EBF2: variants seen among roughly 807,000 people sequenced by gnomAD.
EBF2 encodes EBF transcription factor 2.
In EBF2, 21 loss-of-function variants were observed where a neutral mutation model predicts 72.8. That is an observed-to-expected ratio of 0.29 (90% CI 0.20 to 0.42). The LOEUF is 0.42. Among genes scored for constraint, EBF2 ranks in the 10% least tolerant of loss-of-function variants. The pLI is 1.00. For synonymous variants in EBF2, 299 were observed against 274.2 expected (o/e 1.09, Z -0.89); for missense variants, 637 against 731.2 (o/e 0.87, Z 1.49).
intron 1 of EBF2, 28 bp from the exon 2 acceptor site, chr8:26,042,279 C>T (rs1306940815): frequency 6.3e-7 from 1 of 1,598,630 alleles, no homozygotes; most frequent in Admixed American, 1.8e-5. Flanking sequence ...CGGGGGAACA[C>T]AAGACACGGG....
In EBF2 at chr8:26,023,021, T is replaced by C. The variant is rs139066529; in HGVS notation, c.551+10064A>G. Reference sequence around the variant, plus strand: ...AATCCCTAGTGGGTAGAATCCTAAATCTGCGAATCATCTGTGGATAACTTC... The same window carrying C: ...AATCCCTAGTGGGTAGAATCCTAAACCTGCGAATCATCTGTGGATAACTTC... On this transcript the variant is annotated intron_variant, in intron 6 of 15. Transcript: ENST00000520164. Among the ~76,000 whole-genome samples, 430 of 152,314 alleles carry C rather than the reference T, an allele frequency of 2.8e-3. 2 individuals carry two copies. Among genetic ancestry groups the C allele is most frequent in the African/African-American group, 9.2e-3 (382 of 41,562 alleles).
At chr8:25,959,350 G>A (rs766690519) in intron 6 of EBF2, among the ~76,000 whole-genome samples, 2 of 151,808 alleles carry the variant, frequency 1.3e-5, no homozygotes, top group African/African-American at 2.4e-5. Flanking sequence ...GATTACAGGC[G>A]CCCACCACCA....
intron 10 of EBF2, among the ~76,000 whole-genome samples, chr8:25,864,432 C>T (rs1234108458): frequency 6.6e-6 from 1 of 151,674 alleles, no homozygotes; most frequent in Non-Finnish European, 1.5e-5. Context: ...ATATCACATC[C>T]CAATTTGACC....
rs1801781996 is a variant in EBF2, at chr8:25,843,988, A to G, written c.*621T>C. 6.6e-6 allele frequency: 1 copy of G among 152,308 alleles called. No homozygotes were observed. The highest frequency in any genetic ancestry group is 1.5e-5 in the Non-Finnish European group (1 of 68,042). The allele number at this position is 152,308 out of a possible 1,614,324, so 9.4% of individuals were successfully genotyped here. ...AAAAAAGGTCTTAATTTCTACCTCT[A>G]CTTACAATAAGTTACACATTTATTT... On this transcript the variant is annotated 3_prime_UTR_variant, in exon 16 of 16. Transcript: ENST00000520164.
intron 15 of EBF2, among the ~76,000 whole-genome samples, chr8:25,848,395 G>T (rs1330728673): frequency 6.6e-6 from 1 of 152,224 alleles, no homozygotes. Flanking sequence ...ACCCTGGAGA[G>T]GGTCTTCTGT....
chr8:25,865,090 C>T (rs1001719463), intron 10 of EBF2, among the ~76,000 whole-genome samples: 4 of 151,998 alleles, frequency 2.6e-5, no homozygotes, highest in Non-Finnish European at 4.4e-5. Context: ...TGTGAGCCAC[C>T]GCACCCGGCC....
rs545864455 is a variant in EBF2, at chr8:26,019,522, G to A, written c.551+13563C>T. ...CAAATCCCACAGTCAGGGTAGGCCA[G>A]CAGCCAGAATCCAACAGATCATTGG... On this transcript the variant is annotated intron_variant, in intron 6 of 15. Transcript: ENST00000520164. Among the ~76,000 whole-genome samples, 136 of 152,290 alleles carry A rather than the reference G, an allele frequency of 8.9e-4. 1 individual carries two copies. Among genetic ancestry groups the A allele is most frequent in the African/African-American group, 3.2e-3 (134 of 41,566 alleles).
In EBF2 at chr8:25,881,159, A is replaced by G. The variant is rs970822870; in HGVS notation, c.1009+5596T>C. On this transcript the variant is annotated intron_variant, in intron 10 of 15. Transcript: ENST00000520164. Reference sequence around the variant, plus strand: ...GCTTCCAAGCCATCCTCTGCATTGTAGCCAGAATGATCTTTTAAAAGGCAA... The same window carrying G: ...GCTTCCAAGCCATCCTCTGCATTGTGGCCAGAATGATCTTTTAAAAGGCAA... Among the ~76,000 whole-genome samples, 8 of 152,350 alleles carry G rather than the reference A, an allele frequency of 5.3e-5. No individual in the cohort carries two copies. In the East Asian group the frequency reaches 1.5e-3, roughly 29 times the overall value.
intron 13 of EBF2, among the ~76,000 whole-genome samples, chr8:25,860,068 C>A (rs1009224667): frequency 6.6e-6 from 1 of 152,008 alleles, no homozygotes; most frequent in Admixed American, 6.6e-5. Flanking sequence ...ATGAGGAATT[C>A]TCTTCCAACA....
chr8:25,986,533 A>G (rs184930107), intron 6 of EBF2, among the ~76,000 whole-genome samples: 21 of 152,280 alleles, frequency 1.4e-4, no homozygotes, highest in Admixed American at 1.2e-3. Flanking sequence ...TCGATGCTTG[A>G]CTGTGTGAAA....
At chr8:25,852,194 A>C (rs12541705) in intron 14 of EBF2, among the ~76,000 whole-genome samples, 44,602 of 152,152 alleles carry the variant, frequency 0.29, 6,699 homozygotes, top group South Asian at 0.41. Flanking sequence ...ATGAATAAAA[A>C]CACTGTTGGG....
Position 25,869,183 on chromosome 8 carries a change from T to C in EBF2, c.1010-6386A>G, listed in dbSNP as rs147231091. Among the ~76,000 whole-genome samples, 312 of 152,318 alleles carry C rather than the reference T, an allele frequency of 2.0e-3. 2 individuals are homozygous for C. The highest frequency in any genetic ancestry group is 7.2e-3 in the African/African-American group (298 of 41,576). On this transcript the variant is annotated intron_variant, in intron 10 of 15. Transcript: ENST00000520164. ...CAATAAGAATAAGAGTTAAATTCTGTCTGGGCCACTGAAATAAGAGAGTAT... is the reference window on the plus strand; with the variant it reads ...CAATAAGAATAAGAGTTAAATTCTGCCTGGGCCACTGAAATAAGAGAGTAT...
rs1202765017 is a variant in EBF2, at chr8:26,044,055, T to C, written c.131+674A>G. Among the ~76,000 whole-genome samples the C allele has an allele frequency of 6.6e-6, 1 of 152,252 alleles. No individual in the cohort carries two copies. The highest frequency in any genetic ancestry group is 1.5e-5 in the Non-Finnish European group (1 of 68,042). The stretch of plus-strand genomic sequence containing the variant: ...TTTCTTCTTCCGCAACTCTTTCTAC[T>C]GTGACTCAGTATTTTCTCTTCTTTT... On this transcript the variant is annotated intron_variant, in intron 1 of 15. Coordinates refer to ENST00000520164, the MANE Select transcript of EBF2 (RefSeq NM_022659.4). The surrounding 1 kb of genome is among the most constrained non-coding windows in gnomAD (Gnocchi z 4.1).
intron 6 of EBF2, among the ~76,000 whole-genome samples, chr8:26,001,440 A>T (rs954927425): frequency 6.6e-6 from 1 of 152,196 alleles, no homozygotes; most frequent in African/African-American, 2.4e-5. Flanking sequence ...GCCAAATATT[A>T]TTTGCAGTTA....
rs1482804111 is a variant in EBF2, at chr8:25,973,679, T to C, written c.551+59406A>G. ...AAGCTAGTCTGTTTTTCTTTTGTTT[T>C]TCTTTTTAGTTTTTTGAGACAGGGT... is the stretch of plus-strand genomic sequence containing the variant. On this transcript the variant is annotated intron_variant, in intron 6 of 15. Transcript: ENST00000520164. Among the ~76,000 whole-genome samples, 3 of 152,192 alleles carry C rather than the reference T, an allele frequency of 2.0e-5. No homozygotes were observed. In the East Asian group the frequency reaches 5.8e-4, roughly 29 times the overall value.
At chr8:26,013,988 A>G (rs1339698713) in intron 6 of EBF2, among the ~76,000 whole-genome samples, 1 of 152,210 alleles carries the variant, frequency 6.6e-6, no homozygotes, top group African/African-American at 2.4e-5. Flanking sequence ...AAGCTCTTCC[A>G]AAAGAGTCCA....
At chr8:25,882,109 C>T (rs1244964184) in intron 10 of EBF2, among the ~76,000 whole-genome samples, 2 of 152,096 alleles carry the variant, frequency 1.3e-5, no homozygotes, top group African/African-American at 2.4e-5. Flanking sequence ...TAACACAAGC[C>T]GCCTACGGAA....
At chr8:25,916,718 G>C (rs575977257) in intron 6 of EBF2, among the ~76,000 whole-genome samples, 1 of 152,196 alleles carries the variant, frequency 6.6e-6, no homozygotes, top group East Asian at 1.9e-4. Flanking sequence ...CACAAAAAAT[G>C]GTCGATGGGA....
chr8:26,013,012 TCAA>T (rs1411432781), intron 6 of EBF2, among the ~76,000 whole-genome samples: 1 of 151,988 alleles, frequency 6.6e-6, no homozygotes, highest in East Asian at 1.9e-4. Context: ...ATATAGACAA[TCAA>T]CAAGTAAATG....
Sources: allele counts gnomAD v4.1 joint callset (sites outside exome capture counted in the v4.1 genomes callset), GRCh38; gene constraint gnomAD v4.1.1; non-coding constraint Gnocchi (gnomAD v3.1); transcripts MANE v1.5; gene names NCBI Gene and HGNC (gene_info 2026-07-23, HGNC 2026-07-21).